Variants in LINGO2 observed in about 807,000 individuals in gnomAD.
LINGO2 encodes the protein leucine rich repeat and Ig domain containing 2.
A neutral mutation model predicts 30.6 loss-of-function variants in LINGO2; 14 were observed. The observed-to-expected ratio is 0.46, with a 90% CI of 0.30 to 0.72. The LOEUF is 0.72. Among genes scored for constraint, LINGO2 ranks in the 30% least tolerant of loss-of-function variants. The pLI, the probability that LINGO2 is intolerant of heterozygous loss-of-function variation, is 0.07. For synonymous variants in LINGO2, 317 were observed against 288.5 expected, an observed-to-expected ratio of 1.10 and a Z score of -1.00; for missense variants, 729 against 751.7, an observed-to-expected ratio of 0.97 and a Z score of 0.35.
At chr9:29,103,996 G>C in the LINGO2 span, among the ~76,000 whole-genome samples, 2 of 152,218 alleles carry the variant, frequency 1.3e-5, no homozygotes, top group Non-Finnish European at 2.9e-5. Context: ...CAGTTATCAG[G>C]ATTAAATTAG....
chr9:28,661,488 G>C (rs1255974279), intron 1 of LINGO2, among the ~76,000 whole-genome samples: 1 of 152,132 alleles, frequency 6.6e-6, no homozygotes, highest in South Asian at 2.1e-4. Flanking sequence ...ATGTAAGTTT[G>C]GGGGTTAATC....
chr9:28,357,560 T>C (rs1820269982), intron 3 of LINGO2, among the ~76,000 whole-genome samples: 1 of 152,100 alleles, frequency 6.6e-6, no homozygotes, highest in African/African-American at 2.4e-5. Flanking sequence ...GAAACAACTA[T>C]AACCATATAG....
chr9:28,847,602 G>A, the LINGO2 span, among the ~76,000 whole-genome samples: 5 of 145,954 alleles, frequency 3.4e-5, no homozygotes, highest in Admixed American at 6.9e-5. Flanking sequence ...AGAGTCACAT[G>A]TCAAGACTAG....
intron 3 of LINGO2, among the ~76,000 whole-genome samples, chr9:28,369,309 G>A (rs1820808359): frequency 6.6e-6 from 1 of 152,022 alleles, no homozygotes; most frequent in Non-Finnish European, 1.5e-5. Flanking sequence ...CACCTTTCTT[G>A]ATTACTTTGT....
At chr9:28,930,795 T>A in the LINGO2 span, among the ~76,000 whole-genome samples, 1 of 152,178 alleles carries the variant, frequency 6.6e-6, no homozygotes, top group East Asian at 1.9e-4. This position sits in a 1 kb window ranked among gnomAD's most constrained non-coding sequence, Gnocchi z 4.2. Flanking sequence ...ACAGTCCGGA[T>A]TTAAGACTGA....
chr9:28,387,021 T>C (rs1443086093), intron 2 of LINGO2, among the ~76,000 whole-genome samples: 2 of 152,130 alleles, frequency 1.3e-5, no homozygotes, highest in Non-Finnish European at 2.9e-5. Context: ...TAATATAGCA[T>C]TGAGAGGTGA....
the LINGO2 span, among the ~76,000 whole-genome samples, chr9:29,168,267 A>G: frequency 1.3e-5 from 2 of 152,136 alleles, no homozygotes; most frequent in Non-Finnish European, 2.9e-5. Context: ...TATAAGAAAA[A>G]AAAAACCTCT....
At chr9:29,062,234 G>T in the LINGO2 span, among the ~76,000 whole-genome samples, 1 of 152,144 alleles carries the variant, frequency 6.6e-6, no homozygotes, top group East Asian at 1.9e-4. Context: ...GTGCACTGTT[G>T]CTGGGGATAT....
At chr9:28,411,487 G>A (rs561508648) in intron 2 of LINGO2, among the ~76,000 whole-genome samples, 47 of 152,132 alleles carry the variant, frequency 3.1e-4, no homozygotes, top group African/African-American at 1.1e-3. Context: ...CTTATTTTAT[G>A]TATTAAACAA....
the LINGO2 span, among the ~76,000 whole-genome samples, chr9:28,989,340 C>T: frequency 6.6e-6 from 1 of 152,224 alleles, no homozygotes; most frequent in Non-Finnish European, 1.5e-5. Flanking sequence ...TAATAAAACT[C>T]TGTGAACATA....
chr9:28,062,797 T>C (rs1219672787), intron 4 of LINGO2, among the ~76,000 whole-genome samples: 1 of 151,516 alleles, frequency 6.6e-6, no homozygotes, highest in African/African-American at 2.4e-5. Flanking sequence ...TTTCTTCAGT[T>C]TTTTGGTACG....
chr9:28,293,360 AG>A (rs1823807331), intron 4 of LINGO2, among the ~76,000 whole-genome samples: 1 of 152,132 alleles, frequency 6.6e-6, no homozygotes, highest in Non-Finnish European at 1.5e-5. Flanking sequence ...GACCTCCCAA[AG>A]CACTAAGATT....
intron 4 of LINGO2, among the ~76,000 whole-genome samples, chr9:28,137,996 T>G (rs1827565272): frequency 6.6e-6 from 1 of 152,216 alleles, no homozygotes; most frequent in Admixed American, 6.5e-5. Flanking sequence ...TCTTTGCTGC[T>G]AAATGCTCTA....
intron 4 of LINGO2, among the ~76,000 whole-genome samples, chr9:28,286,577 A>G (rs1305404303): frequency 6.6e-6 from 1 of 152,220 alleles, no homozygotes; most frequent in Non-Finnish European, 1.5e-5. Context: ...CATCAATGAT[A>G]GACTGAGTAA....
the LINGO2 span, among the ~76,000 whole-genome samples, chr9:29,201,650 C>G: frequency 6.6e-6 from 1 of 151,924 alleles, no homozygotes; most frequent in Non-Finnish European, 1.5e-5. Context: ...CTTTACTTTT[C>G]TGTACAAACC....
At chr9:28,554,503 T>G (rs1360820258) in intron 1 of LINGO2, among the ~76,000 whole-genome samples, 1 of 147,338 alleles carries the variant, frequency 6.8e-6, no homozygotes, top group Non-Finnish European at 1.5e-5. Context: ...ATAAAGCAAG[T>G]CCTGAGTGAC....
chr9:28,458,077 ATTGAC>A (rs1449865556), intron 2 of LINGO2, among the ~76,000 whole-genome samples: 17 of 152,180 alleles, frequency 1.1e-4, no homozygotes, highest in Non-Finnish European at 1.0e-4. Flanking sequence ...GTGTTGGGAA[ATTGAC>A]TTGATGCAGA....
chr9:28,343,351 TA>T (rs1451030804), intron 3 of LINGO2, among the ~76,000 whole-genome samples: 1 of 152,046 alleles, frequency 6.6e-6, no homozygotes, highest in African/African-American at 2.4e-5. Flanking sequence ...AATAAACAAA[TA>T]AACAAAAAAT....
intron 2 of LINGO2, among the ~76,000 whole-genome samples, chr9:28,398,331 T>C (rs1373027228): frequency 6.6e-6 from 1 of 152,240 alleles, no homozygotes; most frequent in Non-Finnish European, 1.5e-5. Context: ...TATACAAATA[T>C]ATTCATTTTA....
Sources: gnomAD v4.1 joint callset for allele counts (sites outside exome capture counted in the v4.1 genomes callset) on GRCh38, gnomAD v4.1.1 for gene constraint, Gnocchi (gnomAD v3.1) non-coding constraint, MANE v1.5 for transcripts, NCBI Gene and HGNC (gene_info 2026-07-23, HGNC 2026-07-21) for gene names.